The following SRRM4 variants were observed in gnomAD, a reference collection of about 807,000 sequenced individuals.
SRRM4 encodes serine/arginine repetitive matrix 4, also known as serine/arginine repetitive matrix protein 4.
In SRRM4, 33 loss-of-function variants were observed where a neutral mutation model predicts 68.9. The observed-to-expected ratio is 0.48, with a 90% CI of 0.36 to 0.64. The LOEUF (loss-of-function observed/expected upper bound fraction) is 0.64, where lower values mean the gene tolerates loss of function less well. Among genes scored for constraint, SRRM4 ranks in the 30% least tolerant of loss-of-function variants. The probability of loss-of-function intolerance (pLI) is 0.00; values close to 1 mark genes in which losing one functional copy is unlikely to be tolerated. For synonymous variants in SRRM4, 318 were observed against 318.8 expected (o/e 1.00, Z 0.03); for missense variants, 817 against 827.1 (o/e 0.99, Z 0.15).
chr12:119,161,481 T>C lies in SRRM4; in HGVS notation c.*4683T>C, dbSNP rs908635189. ...TGTTTTTGGAGTAAAAGTTTCTGTGTGTGTTTTTTTAGTTCTTTTGATGGC... is the reference window on the plus strand; with the variant it reads ...TGTTTTTGGAGTAAAAGTTTCTGTGCGTGTTTTTTTAGTTCTTTTGATGGC... On this transcript the variant is annotated 3_prime_UTR_variant, in exon 13 of 13. Coordinates refer to ENST00000267260, the MANE Select transcript of SRRM4 (RefSeq NM_194286.4). 5.3e-5 allele frequency: 8 copies of C among 152,264 alleles called. No homozygotes were observed. Among genetic ancestry groups the C allele is most frequent in the African/African-American group, 1.9e-4 (8 of 41,462 alleles). 9.4% of individuals were successfully genotyped at this position (152,264 alleles called of 1,614,324 possible).
intron 1 of SRRM4, among the ~76,000 whole-genome samples, chr12:119,063,667 T>C (rs1307974885): frequency 1.3e-5 from 2 of 152,184 alleles, no homozygotes; most frequent in African/African-American, 4.8e-5. Context: ...TTAACAGCCT[T>C]AATAACTACC....
At chr12:119,019,389 C>T (rs1953500345) in intron 1 of SRRM4, among the ~76,000 whole-genome samples, 1 of 152,154 alleles carries the variant, frequency 6.6e-6, no homozygotes, top group African/African-American at 2.4e-5. Flanking sequence ...CTCATTTCCT[C>T]TAGTCAACAT....
rs1301620799 is a variant in SRRM4, at chr12:119,158,894, C to G, written c.*2096C>G. On this transcript the variant is annotated 3_prime_UTR_variant, in exon 13 of 13. Transcript: ENST00000267260. ...CTTTTTATTTATTTTATTTATTTATCTATTTATTTATTTGATGACTGTCTC... is the reference window on the plus strand; with the variant it reads ...CTTTTTATTTATTTTATTTATTTATGTATTTATTTATTTGATGACTGTCTC... 1.3e-5 allele frequency: 2 copies of G among 151,666 alleles called. No homozygotes were observed. The highest frequency in any genetic ancestry group is 4.2e-4 in the South Asian group (2 of 4,784). 9.4% of individuals were successfully genotyped at this position (151,666 alleles called of 1,614,324 possible).
At chr12:119,049,071 C>A (rs888749769) in intron 1 of SRRM4, among the ~76,000 whole-genome samples, 1 of 152,106 alleles carries the variant, frequency 6.6e-6, no homozygotes, top group African/African-American at 2.4e-5. Flanking sequence ...TTTGCCCTTA[C>A]GAAGCTTAAA....
chr12:119,130,348 A>G (rs1954288655), intron 7 of SRRM4, among the ~76,000 whole-genome samples: 1 of 149,098 alleles, frequency 6.7e-6, no homozygotes, highest in Non-Finnish European at 1.5e-5. Flanking sequence ...GATTGGTTGG[A>G]TTGATGGATG....
intron 1 of SRRM4, among the ~76,000 whole-genome samples, chr12:119,056,440 C>T (rs145263330): frequency 0.013 from 1,935 of 152,292 alleles, 20 homozygotes; most frequent in South Asian, 0.047. Flanking sequence ...ATGTAACATT[C>T]CGGTGAAGCT....
intron 1 of SRRM4, among the ~76,000 whole-genome samples, chr12:119,043,772 G>GCACACA (rs1263186273): frequency 7.2e-5 from 3 of 41,698 alleles, no homozygotes; most frequent in South Asian, 4.8e-4. Context: ...ACACATACAC[G>GCACACA]CATACACACA....
chr12:118,995,019 C>T (rs1435363383), intron 1 of SRRM4, among the ~76,000 whole-genome samples: 1 of 152,198 alleles, frequency 6.6e-6, no homozygotes, highest in Non-Finnish European at 1.5e-5. Context: ...GAATCCAGGT[C>T]TCCTTACCCC....
chr12:119,061,096 T>C (rs1304565305), intron 1 of SRRM4, among the ~76,000 whole-genome samples: 3 of 152,130 alleles, frequency 2.0e-5, no homozygotes, highest in Admixed American at 6.5e-5. Context: ...TGCAACAGCA[T>C]GTGTGACAAG....
At chr12:119,038,045 A>G (rs1953641007) in intron 1 of SRRM4, among the ~76,000 whole-genome samples, 1 of 152,148 alleles carries the variant, frequency 6.6e-6, no homozygotes, top group Non-Finnish European at 1.5e-5. Context: ...CTTATTGAGC[A>G]ACTACTATGG....
chr12:119,003,365 G>A (rs1953397696), intron 1 of SRRM4, among the ~76,000 whole-genome samples: 1 of 151,746 alleles, frequency 6.6e-6, no homozygotes, highest in South Asian at 2.1e-4. Context: ...AGCCCCCAGG[G>A]CTCTGTAGCA....
intron 3 of SRRM4, 90 bp from the exon 4 acceptor site, chr12:119,116,847 C>A (rs1485164895): frequency 1.9e-6 from 2 of 1,035,944 alleles, no homozygotes; most frequent in South Asian, 1.5e-5. Context: ...AGAGCTAAAA[C>A]CCTGTATAAG....
chr12:119,147,174 T>C (rs112062380), intron 9 of SRRM4, among the ~76,000 whole-genome samples: 2,491 of 152,272 alleles, frequency 0.016, 77 homozygotes, highest in African/African-American at 0.057. Flanking sequence ...ATGGAGGAAA[T>C]GTAAATGCAT....
intron 2 of SRRM4, among the ~76,000 whole-genome samples, chr12:119,113,203 C>T (rs1202090722): frequency 2.0e-5 from 3 of 152,112 alleles, no homozygotes; most frequent in South Asian, 4.1e-4. Context: ...TTTCTACTAA[C>T]CACAATGATC....
intron 1 of SRRM4, among the ~76,000 whole-genome samples, chr12:119,050,496 G>A (rs944959807): frequency 5.3e-5 from 8 of 152,202 alleles, no homozygotes; most frequent in Non-Finnish European, 8.8e-5. Flanking sequence ...GAGGTAATAC[G>A]TGTGCTTTTA....
chr12:118,993,107 A>T (rs1953326971), intron 1 of SRRM4, among the ~76,000 whole-genome samples: 1 of 152,162 alleles, frequency 6.6e-6, no homozygotes, highest in Admixed American at 6.5e-5. Flanking sequence ...CATTTTAAAG[A>T]TGAAGAAACT....
At chr12:119,043,041 G>A (rs143100404) in intron 1 of SRRM4, among the ~76,000 whole-genome samples, 5 of 152,102 alleles carry the variant, frequency 3.3e-5, no homozygotes, top group Admixed American at 6.6e-5. Flanking sequence ...TCATTACTGG[G>A]TATATATCCA....
At chr12:119,119,480 C>T (rs574909931) in intron 4 of SRRM4, among the ~76,000 whole-genome samples, 1 of 151,602 alleles carries the variant, frequency 6.6e-6, no homozygotes, top group East Asian at 2.0e-4. Flanking sequence ...TCCAACCAGC[C>T]TGAGGGACTC....
In SRRM4 at chr12:119,042,359, C is replaced by T. The variant is rs140333196; in HGVS notation, c.132-59877C>T. On this transcript the variant is annotated intron_variant, in intron 1 of 12. Coordinates refer to ENST00000267260, the MANE Select transcript of SRRM4 (RefSeq NM_194286.4). ...AGAAAGAAGAGACATGTGGAAGGAA[C>T]GGAGAGGCAGCGACAGAGAAACAAG... Among the ~76,000 whole-genome samples the T allele has an allele frequency of 8.6e-5, 13 of 151,878 alleles. No homozygotes were observed. The East Asian group carries it at 1.7e-3, about 20-fold the overall frequency.
Sources: allele counts gnomAD v4.1 joint callset (sites outside exome capture counted in the v4.1 genomes callset), GRCh38; gene constraint gnomAD v4.1.1; transcripts MANE v1.5; gene names NCBI Gene and HGNC (gene_info 2026-07-23, HGNC 2026-07-21).